The following DPY19L2 variants were observed in gnomAD, a reference collection of about 807,000 sequenced individuals.
DPY19L2 encodes dpy-19 like 2.
Under a neutral mutation model 97.9 loss-of-function variants are expected in DPY19L2, and 34 were observed. The ratio of observed to expected loss-of-function variants is 0.35; its 90% CI spans 0.26 to 0.46. The LOEUF (loss-of-function observed/expected upper bound fraction) is 0.46. DPY19L2 is among the 20% of genes least tolerant of loss of function. The pLI, the probability that DPY19L2 is intolerant of heterozygous loss-of-function variation, is 1.00. For synonymous variants in DPY19L2, 230 were observed against 307.9 expected (o/e 0.75, Z 2.65); for missense variants, 623 against 911.4 (o/e 0.68, Z 4.07).
intron 19 of DPY19L2, 67 bp downstream of exon 19, chr12:63,580,595 T>C: frequency 7.1e-7 from 1 of 1,407,570 alleles, no homozygotes; most frequent in South Asian, 1.5e-5. Flanking sequence ...ACAATAATTA[T>C]ATATAGTATA....
intron 21 of DPY19L2, among the ~76,000 whole-genome samples, chr12:63,568,683 T>A (rs983895053): frequency 4.6e-5 from 7 of 150,742 alleles, no homozygotes; most frequent in African/African-American, 1.7e-4. Flanking sequence ...TTTCCTGTCA[T>A]GTGCAGCAGC....
rs577143908 is a variant in DPY19L2, at chr12:63,623,278, G to T, written c.953+762C>A. Among the ~76,000 whole-genome samples, 12 of 151,814 alleles carry T rather than the reference G, an allele frequency of 7.9e-5. No individual in the cohort carries two copies. The South Asian group carries it at 2.3e-3, about 29-fold the overall frequency. ...AAAAAAGTTTGAAATGAAACTGGTT[G>T]TCCTGTTAGAAACATTGGTTGTTCA... On this transcript the variant is annotated intron_variant, in intron 8 of 21. Coordinates refer to ENST00000324472, the MANE Select transcript of DPY19L2 (RefSeq NM_173812.5).
intron 4 of DPY19L2, among the ~76,000 whole-genome samples, chr12:63,659,860 A>G (rs1344778478): frequency 6.6e-6 from 1 of 152,154 alleles, no homozygotes; most frequent in African/African-American, 2.4e-5. Context: ...ATTACATGTA[A>G]GTCATACCTC....
At position 63,663,769 on chromosome 12, in the gene DPY19L2, GA is replaced by G. The variant is rs1565863397; in HGVS notation, c.438del (p.Arg147AlafsTer26). On this transcript the variant is annotated frameshift_variant, in exon 3 of 22. Transcript: ENST00000324472. LOFTEE classifies it high-confidence loss of function. ...AGAAGAAACCTAACCATTTCAGTGC[GA>G]AAAGTCATCTCCCGTTCCAAAGATG... ...HLSSLEREMT[F>X]RTEMGLYYSY... 2 of 1,602,062 alleles carry G rather than the reference GA, an allele frequency of 1.2e-6. No homozygotes were observed. Among genetic ancestry groups the G allele is most frequent in the Non-Finnish European group, 1.7e-6 (2 of 1,176,954 alleles).
At chr12:63,579,131 C>T (rs1880420908) in intron 19 of DPY19L2, among the ~76,000 whole-genome samples, 1 of 152,082 alleles carries the variant, frequency 6.6e-6, no homozygotes, top group African/African-American at 2.4e-5. Flanking sequence ...AGTAAATGAG[C>T]ATTAACAAGG....
intron 12 of DPY19L2, among the ~76,000 whole-genome samples, chr12:63,605,337 T>C (rs1030644930): frequency 2.0e-5 from 3 of 152,146 alleles, no homozygotes; most frequent in African/African-American, 7.2e-5. Context: ...GAATAGTAGA[T>C]ACCAGACCCA....
At chr12:63,664,453 T>C (rs1348465602) in intron 2 of DPY19L2, among the ~76,000 whole-genome samples, 2 of 152,162 alleles carry the variant, frequency 1.3e-5, no homozygotes, top group Non-Finnish European at 2.9e-5. Context: ...GGTTAGTGTT[T>C]GTTTTTTAAG....
chr12:63,589,876 C>T (rs1407791755), intron 16 of DPY19L2, among the ~76,000 whole-genome samples: 1 of 152,138 alleles, frequency 6.6e-6, no homozygotes, highest in Non-Finnish European at 1.5e-5. Flanking sequence ...TGCCTGCAAT[C>T]CCAGCACTTT....
At chr12:63,587,298 AT>A (rs1333580184) in intron 16 of DPY19L2, among the ~76,000 whole-genome samples, 2 of 152,042 alleles carry the variant, frequency 1.3e-5, no homozygotes, top group African/African-American at 4.8e-5. Context: ...TGAAAAATTC[AT>A]TTTTAATGTT....
rs544186618 is a variant in DPY19L2 at position 63,602,224 on chromosome 12, T to G, written c.1279-1838A>C. Among the ~76,000 whole-genome samples, 8 of 147,998 alleles carry G rather than the reference T, an allele frequency of 5.4e-5. No individual in the cohort carries two copies. The East Asian group carries it at 1.6e-3, about 30-fold the overall frequency. On this transcript the variant is annotated intron_variant, in intron 12 of 21. Transcript: ENST00000324472. The stretch of plus-strand genomic sequence containing the variant: ...GAAAAAAGCAGAAAGAAATAAAGAG[T>G]TTATTAGACATAGAAAGGGAATGGA...
intron 20 of DPY19L2, among the ~76,000 whole-genome samples, chr12:63,570,443 C>T (rs1878582185): frequency 6.6e-6 from 1 of 152,006 alleles, no homozygotes; most frequent in Admixed American, 6.5e-5. Flanking sequence ...ATCCTACCTA[C>T]TCTTCCAACT....
chr12:63,660,797 G>C (rs548860426), intron 4 of DPY19L2: 5 of 152,066 alleles, frequency 3.3e-5, no homozygotes. Context: ...GTCAAATTTA[G>C]CATTTATCTT....
intron 19 of DPY19L2, among the ~76,000 whole-genome samples, chr12:63,574,501 C>T (rs1018008574): frequency 2.0e-5 from 3 of 151,774 alleles, no homozygotes; most frequent in African/African-American, 7.3e-5. Flanking sequence ...ACTCTCCAAT[C>T]AAAAGACAAA....
At chr12:63,640,345 T>TATA (rs1343269891) in intron 6 of DPY19L2, among the ~76,000 whole-genome samples, 2 of 152,072 alleles carry the variant, frequency 1.3e-5, no homozygotes, top group African/African-American at 4.8e-5. Context: ...GAACTTAAAG[T>TATA]ATAATAATAA....
chr12:63,580,917 T>C, intron 18 of DPY19L2, 81 bp from the exon 19 acceptor site: 1 of 1,414,754 alleles, frequency 7.1e-7, no homozygotes, highest in Middle Eastern at 1.8e-4. Flanking sequence ...ACCTTGTTAC[T>C]CAAACCAATG....
At chr12:63,613,824 A>G (rs142403047) in intron 11 of DPY19L2, among the ~76,000 whole-genome samples, 1 of 152,288 alleles carries the variant, frequency 6.6e-6, no homozygotes, top group African/African-American at 2.4e-5. Context: ...ATACGTTTAT[A>G]ACGTATCAAA....
At chr12:63,600,165 ACT>A (rs1424535494) in intron 13 of DPY19L2, 139 bp downstream of exon 13, 10 of 581,544 alleles carry the variant, frequency 1.7e-5, no homozygotes, top group Admixed American at 3.1e-5. Context: ...TTTATTATTG[ACT>A]CTGCCAATAA....
intron 12 of DPY19L2, among the ~76,000 whole-genome samples, chr12:63,603,351 C>A (rs1885498282): frequency 1.3e-5 from 2 of 152,124 alleles, no homozygotes; most frequent in Admixed American, 6.5e-5. Context: ...TCTTGCATTT[C>A]CTTTTTGTTT....
intron 6 of DPY19L2, among the ~76,000 whole-genome samples, chr12:63,627,690 T>C (rs189327396): frequency 8.2e-4 from 125 of 152,266 alleles, no homozygotes; most frequent in African/African-American, 2.9e-3. Context: ...ATCATGTCTG[T>C]GTATGAGAAT....
Sources: allele counts gnomAD v4.1 joint callset (sites outside exome capture counted in the v4.1 genomes callset), GRCh38; gene constraint gnomAD v4.1.1; transcripts MANE v1.5; gene names NCBI Gene and HGNC (gene_info 2026-07-23, HGNC 2026-07-21).